Variants in ATP2A3 observed in about 807,000 individuals in gnomAD.
The protein encoded by ATP2A3 is sarcoplasmic/endoplasmic reticulum calcium ATPase 3.
In ATP2A3, 61 loss-of-function variants were observed where a neutral mutation model predicts 106.8. The observed-to-expected ratio is 0.57, with a 90% CI of 0.46 to 0.71. The LOEUF (loss-of-function observed/expected upper bound fraction) is 0.71. Ranked by LOEUF, ATP2A3 falls within the 30% of genes least tolerant of loss-of-function variation. The pLI is 0.00. For missense variants in ATP2A3, 1,201 were observed against 1,423.5 expected, an observed-to-expected ratio of 0.84 and a Z score of 2.52; for synonymous variants, 611 against 609.3, an observed-to-expected ratio of 1.00 and a Z score of -0.04.
chr17:3,941,897 G>A (rs1052447602), intron 12 of ATP2A3, among the ~76,000 whole-genome samples: 2 of 152,186 alleles, frequency 1.3e-5, no homozygotes, highest in African/African-American at 2.4e-5. Context: ...CCAACCTAGC[G>A]ATGCCCTTCC....
intron 5 of ATP2A3, 80 bp downstream of exon 5, chr17:3,951,171 T>C: frequency 8.7e-7 from 1 of 1,145,616 alleles, no homozygotes; most frequent in Non-Finnish European, 1.1e-6. Context: ...CGACTCCATC[T>C]CAAAAAATAA....
At chr17:3,944,431 T>C (rs1761503654) in intron 10 of ATP2A3, among the ~76,000 whole-genome samples, 1 of 152,134 alleles carries the variant, frequency 6.6e-6, no homozygotes, top group South Asian at 2.1e-4. Context: ...CTTGGTCCTG[T>C]TCCCCAAATC....
intron 17 of ATP2A3, among the ~76,000 whole-genome samples, chr17:3,931,123 G>C (rs1222923176): frequency 1.3e-5 from 2 of 150,200 alleles, no homozygotes; most frequent in African/African-American, 5.0e-5. Flanking sequence ...CTGGGTGACA[G>C]AGCAAGACTC....
intron 5 of ATP2A3, 76 bp downstream of exon 5, chr17:3,951,175 A>AAAAT (rs371267455): frequency 8.9e-5 from 103 of 1,153,364 alleles, no homozygotes; most frequent in African/African-American, 2.1e-4. Flanking sequence ...TCCATCTCAA[A>AAAAT]AAATAAATAA....
intron 10 of ATP2A3, 29 bp from the exon 11 acceptor site, chr17:3,943,551 A>T (rs1378245292): frequency 6.2e-7 from 1 of 1,613,390 alleles, no homozygotes; most frequent in Non-Finnish European, 8.5e-7. Flanking sequence ...ATAGGGAGTG[A>T]GGGGCAGGCA....
chr17:3,951,647 G>C lies in ATP2A3; in HGVS notation c.258C>G (p.Thr86=). ...AWFEEGEETT[T]AFVEPLVIML... The stretch of plus-strand genomic sequence containing the variant: ...TGATGACCAGGGGCTCCACGAAGGC[G>C]GTCGTGGTCTCCTCGCCCTCCTCGA... Residue 86 remains threonine, a synonymous_variant, in exon 4 of 21, where the codon ACC becomes ACG. Transcript: ENST00000397041. 14 of 1,610,974 alleles carry C rather than the reference G, an allele frequency of 8.7e-6. No individual in the cohort carries two copies. The highest frequency in any genetic ancestry group is 1.1e-5 in the Non-Finnish European group (13 of 1,179,050).
chr17:3,956,149 T>C (rs1175583124), intron 1 of ATP2A3, among the ~76,000 whole-genome samples: 1 of 152,170 alleles, frequency 6.6e-6, no homozygotes, highest in Non-Finnish European at 1.5e-5. Flanking sequence ...CCCAAAGTGC[T>C]GGGATTAGAA....
chr17:3,930,129 C>T lies in ATP2A3; in HGVS notation c.2744+172G>A, dbSNP rs1170796080. On this transcript the variant is annotated intron_variant, in intron 18 of 20. Coordinates refer to ENST00000397041, the MANE Select transcript of ATP2A3 (RefSeq NM_005173.4). This position sits in a 1 kb window ranked among gnomAD's most constrained non-coding sequence, Gnocchi z 5.4. ...ACAGACCCCAATCCTGGACCCCTGACCCTCAGACACTGATACTGGAACCCC... is the reference window on the plus strand; with the variant it reads ...ACAGACCCCAATCCTGGACCCCTGATCCTCAGACACTGATACTGGAACCCC... 6.7e-6 allele frequency among the ~76,000 whole-genome samples: 1 copy of T among 149,404 alleles called. No homozygotes were observed. The highest frequency in any genetic ancestry group is 1.5e-5 in the Non-Finnish European group (1 of 67,836).
At position 3,942,717 on chromosome 17, in the gene ATP2A3, C is replaced by T. The variant is rs766182510; in HGVS notation, c.1434G>A (p.Leu478=). ...AGACNTVIKQ[L]MRKEFTLEFS... ...ACTCCAGGGTGAACTCCTTCCGCAT[C>T]AGCTGCTTGATGACCTGCGGGGTCC... The change falls in exon 12 of 21, where the codon CTG becomes CTA. Residue 478 remains leucine, a synonymous_variant. Transcript: ENST00000397041. The T allele has an allele frequency of 2.5e-6, 4 of 1,613,402 alleles. No homozygotes were observed. The Admixed American group carries it at 6.7e-5, about 27-fold the overall frequency.
In ATP2A3 at chr17:3,956,006, C is replaced by T. The variant is rs370930710; in HGVS notation, c.119-2296G>A. Among the ~76,000 whole-genome samples, 136 of 152,166 alleles carry T rather than the reference C, an allele frequency of 8.9e-4. 1 individual carries two copies. The Middle Eastern group carries it at 0.01, about 11-fold the overall frequency. On this transcript the variant is annotated intron_variant, in intron 1 of 20. Coordinates refer to ENST00000397041, the MANE Select transcript of ATP2A3 (RefSeq NM_005173.4). ...AAGCGATTCTCCTGCCTCAGCCTCCCGGGTAGCTGGAATTACCGGTGCCTG... is the reference window on the plus strand; with the variant it reads ...AAGCGATTCTCCTGCCTCAGCCTCCTGGGTAGCTGGAATTACCGGTGCCTG...
chr17:3,951,671 G>C lies in ATP2A3; in HGVS notation c.234C>G (p.Phe78Leu). 6.2e-7 allele frequency: 1 copy of C among 1,608,724 alleles called. No homozygotes were observed. The highest frequency in any genetic ancestry group is 8.5e-7 in the Non-Finnish European group (1 of 1,178,050). ...CGGTCGTGGTCTCCTCGCCCTCCTC[G>C]AACCAGGCCAGGACCTGCAGGATCA... The part of the protein sequence containing the change: ...AALVSFVLAW[F>L]EEGEETTTAF... Residue 78 changes from phenylalanine to leucine, a missense_variant, in exon 4 of 21, where the codon TTC becomes TTG. Around this residue, in one of 2 missense-constraint regions of ATP2A3, gnomAD observed 266 missense variants for 246.8 expected, o/e 1.08. Coordinates refer to ENST00000397041, the MANE Select transcript of ATP2A3 (RefSeq NM_005173.4).
rs371987096 is a variant in ATP2A3, at chr17:3,951,341, C to T, written c.373G>A (p.Glu125Lys). Residue 125 changes from glutamate (E) to lysine (K), a missense_variant, in exon 5 of 21, where the codon GAG becomes AAG. Coordinates refer to ENST00000397041, the MANE Select transcript of ATP2A3 (RefSeq NM_005173.4). ...TCCGAGCGGATCACCTTGCCCATCT[C>T]AGGCTCATACTCCTTCAGGGCCTCG... ...AIEALKEYEP[E>K]MGKVIRSDRK... 1 of 1,613,766 alleles carries T rather than the reference C, an allele frequency of 6.2e-7. No individual in the cohort carries two copies. The highest frequency in any genetic ancestry group is 8.5e-7 in the Non-Finnish European group (1 of 1,179,924).
chr17:3,943,645 C>T (rs1418962266), intron 10 of ATP2A3, 123 bp from the exon 11 acceptor site: 16 of 1,499,110 alleles, frequency 1.1e-5, no homozygotes, highest in Middle Eastern at 2.0e-4. Context: ...TCCTTTGCAC[C>T]GGCCCGTGAG....
chr17:3,925,483 G>A lies in ATP2A3; in HGVS notation c.2981-42C>T, dbSNP rs1482459722. ...AGAGCGCGTTAAGATGTATGTGTAA[G>A]GGCACACATCCAGACAGCTTCCTTC... On this transcript the variant is annotated intron_variant, in intron 20 of 20. Transcript: ENST00000397041. This position sits in a 1 kb window ranked among gnomAD's most constrained non-coding sequence, Gnocchi z 4.2. The A allele has an allele frequency of 1.9e-6, 3 of 1,597,900 alleles. No homozygotes were observed. Among genetic ancestry groups the A allele is most frequent in the Non-Finnish European group, 2.6e-6 (3 of 1,172,690 alleles).
At chr17:3,944,114 G>A (rs144207873) in intron 10 of ATP2A3, among the ~76,000 whole-genome samples, 1 of 152,320 alleles carries the variant, frequency 6.6e-6, no homozygotes, top group African/African-American at 2.4e-5. Flanking sequence ...GCATCTCTCT[G>A]GCCTGAATGA....
chr17:3,949,163 G>A (rs2054281078), intron 7 of ATP2A3, among the ~76,000 whole-genome samples: 2 of 150,298 alleles, frequency 1.3e-5, no homozygotes, highest in Non-Finnish European at 3.0e-5. Flanking sequence ...AGGAGTTCTG[G>A]GTGAGTTTCA....
intron 7 of ATP2A3, among the ~76,000 whole-genome samples, chr17:3,948,577 G>A (rs1341726820): frequency 6.6e-6 from 1 of 152,186 alleles, no homozygotes; most frequent in Non-Finnish European, 1.5e-5. Flanking sequence ...TTAGAAAATT[G>A]TTTTGTTTAA....
chr17:3,936,775 C>A lies in ATP2A3; in HGVS notation c.2322-306G>T. On this transcript the variant is annotated intron_variant, in intron 15 of 20. Transcript: ENST00000397041. This position sits in a 1 kb window ranked among gnomAD's most constrained non-coding sequence, Gnocchi z 5.4. Reference sequence around the variant, plus strand: ...ACACACGCACACGAAGAGGGCATGCCCAAGAATCAGACATGTGCAAAAACC... The same window carrying A: ...ACACACGCACACGAAGAGGGCATGCACAAGAATCAGACATGTGCAAAAACC... 1.4e-5 allele frequency: 6 copies of A among 442,902 alleles called. No homozygotes were observed. The highest frequency in any genetic ancestry group is 1.3e-4 in the South Asian group (6 of 45,412). 27.4% of individuals were successfully genotyped at this position (442,902 alleles called of 1,614,324 possible).
At chr17:3,927,113 A>G (rs2052752322) in intron 20 of ATP2A3, 2 of 985,160 alleles carry the variant, frequency 2.0e-6, no homozygotes, top group Non-Finnish European at 2.4e-6. Context: ...TTTAACCTCA[A>G]AGCCTGGAGA....
Sources: gnomAD v4.1 joint callset for allele counts (sites outside exome capture counted in the v4.1 genomes callset) on GRCh38, gnomAD v4.1.1 for gene constraint, gnomAD v4.1.1 regional missense constraint, Gnocchi (gnomAD v3.1) non-coding constraint, MANE v1.5 for transcripts, NCBI Gene and HGNC (gene_info 2026-07-23, HGNC 2026-07-21) for gene names.